ACSS3: variants seen among roughly 807,000 people sequenced by gnomAD.
ACSS3 encodes the protein acyl-CoA synthetase short chain family member 3, also known as acyl-CoA synthetase short-chain family member 3, mitochondrial.
A neutral mutation model predicts 84.2 loss-of-function variants in ACSS3; 64 were observed. That is an observed-to-expected ratio of 0.76 (90% CI 0.62 to 0.94). The LOEUF (loss-of-function observed/expected upper bound fraction) is 0.94. Ranked by LOEUF, ACSS3 falls within the 40% of genes least tolerant of loss-of-function variation. ACSS3 has a pLI of 0.00. For synonymous variants in ACSS3, 317 were observed against 310.1 expected, an observed-to-expected ratio of 1.02 and a Z score of -0.23; for missense variants, 815 against 867.6, an observed-to-expected ratio of 0.94 and a Z score of 0.76.
intron 7 of ACSS3, among the ~76,000 whole-genome samples, chr12:81,163,139 C>A (rs190797406): frequency 6.6e-6 from 1 of 152,086 alleles, no homozygotes; most frequent in Admixed American, 6.5e-5. Context: ...ATAGAATGAT[C>A]GGTATAGAAA....
intron 2 of ACSS3, among the ~76,000 whole-genome samples, chr12:81,121,571 A>G (rs564606527): frequency 5.9e-5 from 9 of 152,178 alleles, no homozygotes; most frequent in Non-Finnish European, 1.0e-4. Flanking sequence ...AGCTTAGTAC[A>G]TAAATAAAGC....
At chr12:81,149,054 G>A (rs1886487413) in intron 5 of ACSS3, among the ~76,000 whole-genome samples, 1 of 152,008 alleles carries the variant, frequency 6.6e-6, no homozygotes, top group Admixed American at 6.6e-5. Flanking sequence ...ACTCCAGCCT[G>A]GGTGACAGAG....
In ACSS3 at chr12:81,232,550, T is replaced by G. The variant is rs866363561; in HGVS notation, c.1597-799T>G. On this transcript the variant is annotated intron_variant, in intron 12 of 15. Transcript: ENST00000548058. ...AAAGTATTAATTGCAGTAAAATTAT[T>G]GAGAGCTCAGGATGTGCCAGAGTCT... 3.3e-5 allele frequency among the ~76,000 whole-genome samples: 5 copies of G among 151,736 alleles called. 1 individual carries two copies. In the South Asian group the frequency reaches 1.0e-3, roughly 31 times the overall value.
intron 1 of ACSS3, among the ~76,000 whole-genome samples, chr12:81,101,884 A>G (rs1230303260): frequency 6.6e-6 from 1 of 151,960 alleles, no homozygotes; most frequent in Non-Finnish European, 1.5e-5. Flanking sequence ...TCATCAGTGG[A>G]TATCATGCTG....
chr12:81,099,985 C>T lies in ACSS3; in HGVS notation c.312-9575C>T, dbSNP rs7296342. On this transcript the variant is annotated intron_variant, in intron 1 of 15. Transcript: ENST00000548058. ...CACTGACTTAGCTCAATGTGTGAAC[C>T]AAATACATGCCCCAGTCTCACTAAT... is the stretch of plus-strand genomic sequence containing the variant. Among the ~76,000 whole-genome samples, 617 of 152,186 alleles carry T rather than the reference C, an allele frequency of 4.1e-3. 5 individuals are homozygous for T. The highest frequency in any genetic ancestry group is 0.014 in the African/African-American group (587 of 41,516).
rs201894043 is a variant in ACSS3, at chr12:81,144,391, A to G, written c.921+1144A>G. ...ATTGAAGCCTTATGATTTTGTTGCA[A>G]CTCTAGTGACTTGAAAAATATTTCT... On this transcript the variant is annotated intron_variant, in intron 5 of 15. Transcript: ENST00000548058. 2.6e-5 allele frequency among the ~76,000 whole-genome samples: 4 copies of G among 152,216 alleles called. No homozygotes were observed. The East Asian group carries it at 7.7e-4, about 29-fold the overall frequency.
intron 5 of ACSS3, among the ~76,000 whole-genome samples, chr12:81,150,884 A>AT (rs35752984): frequency 0.32 from 48,224 of 151,830 alleles, 9,034 homozygotes; most frequent in Middle Eastern, 0.43. Context: ...ATAAAAAACA[A>AT]TTTTTTTTGC....
At chr12:81,208,794 G>A (rs569214050) in intron 9 of ACSS3, among the ~76,000 whole-genome samples, 4 of 152,080 alleles carry the variant, frequency 2.6e-5, no homozygotes, top group Admixed American at 6.5e-5. Context: ...CTTGCCTCCC[G>A]CAAGCTTTGC....
intron 9 of ACSS3, among the ~76,000 whole-genome samples, chr12:81,210,832 T>A (rs2032561662): frequency 1.3e-5 from 2 of 152,220 alleles, no homozygotes; most frequent in South Asian, 4.1e-4. Flanking sequence ...ATGATAAGAC[T>A]GATTTGCTTG....
At chr12:81,162,296 G>A (rs1456446056) in intron 7 of ACSS3, among the ~76,000 whole-genome samples, 1 of 152,202 alleles carries the variant, frequency 6.6e-6, no homozygotes, top group Non-Finnish European at 1.5e-5. Context: ...CCTATCTGGA[G>A]GCAGGTCATC....
At chr12:81,187,495 A>G (rs2031334013) in intron 8 of ACSS3, among the ~76,000 whole-genome samples, 1 of 151,916 alleles carries the variant, frequency 6.6e-6, no homozygotes, top group East Asian at 1.9e-4. Flanking sequence ...TGATAAAATG[A>G]CAATGCCTGT....
chr12:81,251,029 G>A (rs571236892), intron 13 of ACSS3, among the ~76,000 whole-genome samples: 52 of 152,210 alleles, frequency 3.4e-4, no homozygotes, highest in African/African-American at 1.3e-3. Flanking sequence ...TATATAAGCT[G>A]TGTCACCCAC....
At chr12:81,130,033 C>T (rs891172462) in intron 2 of ACSS3, among the ~76,000 whole-genome samples, 3 of 152,104 alleles carry the variant, frequency 2.0e-5, no homozygotes, top group African/African-American at 7.2e-5. Context: ...CATTGATGGA[C>T]ATTTGGGTTG....
intron 13 of ACSS3, among the ~76,000 whole-genome samples, chr12:81,251,187 C>G (rs183645781): frequency 3.1e-4 from 47 of 152,060 alleles, no homozygotes; most frequent in African/African-American, 1.1e-3. Flanking sequence ...ACCTTGAAGA[C>G]AATATAAAGA....
rs532404874 is a variant in ACSS3 at position 81,257,007 on chromosome 12, A to G, written c.*2085A>G. ...GAATGTGTTTCCTTATTTTTTTTCAAATAAGAGTCAGTTAATTTGAAATGG... is the reference window on the plus strand; with the variant it reads ...GAATGTGTTTCCTTATTTTTTTTCAGATAAGAGTCAGTTAATTTGAAATGG... On this transcript the variant is annotated 3_prime_UTR_variant, in exon 16 of 16. Transcript: ENST00000548058. 4.6e-5 allele frequency: 7 copies of G among 152,000 alleles called. No individual in the cohort carries two copies. The highest frequency in any genetic ancestry group is 1.0e-4 in the Non-Finnish European group (7 of 67,982). The allele number at this position is 152,000 out of a possible 1,614,324, so 9.4% of individuals were successfully genotyped here. A position where few individuals can be genotyped will look rare whatever the true frequency, so the allele number is the denominator to read the frequency against.
chr12:81,233,711 G>C (rs1593226408), intron 13 of ACSS3, among the ~76,000 whole-genome samples: 1 of 151,440 alleles, frequency 6.6e-6, no homozygotes, highest in Non-Finnish European at 1.5e-5. Context: ...TTTGTTTATG[G>C]GAAAGCCTGT....
In ACSS3 at chr12:81,253,291, C is replaced by A. The variant is rs1358032350; in HGVS notation, c.1720-16C>A. The A allele has an allele frequency of 1.2e-6, 2 of 1,605,844 alleles. No homozygotes were observed. Among genetic ancestry groups the A allele is most frequent in the East Asian group, 2.2e-5 (1 of 44,774 alleles). On this transcript the variant is annotated splice_polypyrimidine_tract_variant and intron_variant, in intron 13 of 15. Transcript: ENST00000548058. The stretch of plus-strand genomic sequence containing the variant: ...TAAATAAATGTATTCTAAATGAATG[C>A]CTTTCCTTATTACAGTCAATCCTTT...
chr12:81,179,646 T>C (rs992281414), intron 8 of ACSS3, among the ~76,000 whole-genome samples: 2 of 151,914 alleles, frequency 1.3e-5, no homozygotes, highest in Non-Finnish European at 2.9e-5. Flanking sequence ...GGTGGGTGCC[T>C]GTAATCCCAG....
Position 81,134,928 on chromosome 12 carries a change from G to A in ACSS3, c.569G>A (p.Arg190Lys). 6.2e-7 allele frequency: 1 copy of A among 1,607,192 alleles called. No homozygotes were observed. The highest frequency in any genetic ancestry group is 8.5e-7 in the Non-Finnish European group (1 of 1,176,278). Residue 190 changes from arginine (R) to lysine (K), a missense_variant, in exon 3 of 16, where the codon AGG becomes AAG. Physicochemically the swap from Arg to Lys is conservative, Grantham distance 26. Transcript: ENST00000548058. ...ATGTATACCATGTTGGCATGTGCAA[G>A]GATAGGTGCCATCCACAGTCTCATA... ...QAMYTMLACA[R>K]IGAIHSLIFG...
Sources: allele counts gnomAD v4.1 joint callset (sites outside exome capture counted in the v4.1 genomes callset), GRCh38; gene constraint gnomAD v4.1.1; transcripts MANE v1.5; gene names NCBI Gene and HGNC (gene_info 2026-07-23, HGNC 2026-07-21).